LRMDA: variants seen among roughly 807,000 people sequenced by gnomAD.
The protein encoded by LRMDA is leucine-rich melanocyte differentiation-associated protein.
A neutral mutation model predicts 29.8 loss-of-function variants in LRMDA; 18 were observed. The observed-to-expected ratio is 0.60, with a 90% confidence interval of 0.42 to 0.90. The LOEUF is 0.90. LRMDA is among the 40% of genes least tolerant of loss of function. LRMDA has a pLI of 0.00. For missense variants in LRMDA, 273 were observed against 273.9 expected (o/e 1.00, Z 0.02); for synonymous variants, 125 against 109.4 (o/e 1.14, Z -0.89).
At chr10:75,735,996 T>C (rs1186454554) in intron 2 of LRMDA, among the ~76,000 whole-genome samples, 1 of 152,096 alleles carries the variant, frequency 6.6e-6, no homozygotes, top group Non-Finnish European at 1.5e-5. Flanking sequence ...GGTAAGATAG[T>C]GAGAGGAGGA....
At chr10:76,334,523 A>C (rs767812338) in intron 6 of LRMDA, among the ~76,000 whole-genome samples, 22 of 152,214 alleles carry the variant, frequency 1.4e-4, no homozygotes, top group Non-Finnish European at 2.1e-4. Flanking sequence ...AATTGAGGGA[A>C]GTGAACACCT....
In LRMDA at chr10:75,431,733, G is replaced by A; in HGVS notation, c.9G>A (p.Gly3=). 7.3e-7 allele frequency: 1 copy of A among 1,366,094 alleles called. No individual in the cohort carries two copies. The highest frequency in any genetic ancestry group is 1.9e-5 in the South Asian group (1 of 53,794). The allele number at this position is 1,366,094 out of a possible 1,614,324, so 84.6% of individuals were successfully genotyped here. ...GCAGCGTCCTGGCCGCCATGGCCGG[G>A]CTCGTGGTGCGTGGAACTCAAGTAA... MA[G]LVVRGTQVSY... The change falls in exon 1 of 7, where the codon GGG becomes GGA. Residue 3 remains glycine, a synonymous_variant. Coordinates refer to ENST00000611255, the MANE Select transcript of LRMDA (RefSeq NM_001305581.2).
intron 6 of LRMDA, among the ~76,000 whole-genome samples, chr10:76,385,125 G>A (rs1056732384): frequency 6.6e-6 from 1 of 152,148 alleles, no homozygotes; most frequent in African/African-American, 2.4e-5. Context: ...GGAAATCCTG[G>A]TTTTCAACTC....
At chr10:75,903,431 T>C (rs1480965840) in intron 2 of LRMDA, among the ~76,000 whole-genome samples, 2 of 152,242 alleles carry the variant, frequency 1.3e-5, no homozygotes, top group Non-Finnish European at 2.9e-5. Flanking sequence ...TATTGATGCC[T>C]AGCTCCTCTG....
chr10:76,072,328 A>G (rs1410498479), intron 5 of LRMDA, among the ~76,000 whole-genome samples: 1 of 152,078 alleles, frequency 6.6e-6, no homozygotes, highest in Non-Finnish European at 1.5e-5. Flanking sequence ...AAGTCCCTCC[A>G]TTTTTCCAAC....
intron 2 of LRMDA, among the ~76,000 whole-genome samples, chr10:75,820,976 G>A (rs1298480106): frequency 6.6e-6 from 1 of 152,086 alleles, no homozygotes; most frequent in Non-Finnish European, 1.5e-5. Context: ...TAGAAATCCT[G>A]AACAGACCAA....
chr10:76,167,123 CTG>C (rs1473533761), intron 5 of LRMDA, among the ~76,000 whole-genome samples: 4 of 152,102 alleles, frequency 2.6e-5, no homozygotes, highest in South Asian at 2.1e-4. Context: ...TGAAAAGTGT[CTG>C]TGTTTCTTGC....
chr10:76,191,752 C>T (rs888529386), intron 5 of LRMDA, among the ~76,000 whole-genome samples: 1 of 152,122 alleles, frequency 6.6e-6, no homozygotes, highest in Non-Finnish European at 1.5e-5. Flanking sequence ...TAAGGAAATG[C>T]CAAAATGACT....
chr10:75,740,482 G>A (rs930845364), intron 2 of LRMDA, among the ~76,000 whole-genome samples: 1 of 152,166 alleles, frequency 6.6e-6, no homozygotes, highest in African/African-American at 2.4e-5. Flanking sequence ...GAAAGTGGAT[G>A]TAGATAATGC....
intron 2 of LRMDA, among the ~76,000 whole-genome samples, chr10:75,745,941 G>C (rs1474932871): frequency 6.6e-6 from 1 of 152,178 alleles, no homozygotes; most frequent in Admixed American, 6.5e-5. Flanking sequence ...TTTGGGAAAA[G>C]TACCACACAG....
rs548256836 is a variant in LRMDA at position 75,981,976 on chromosome 10, T to G, written c.132-54032T>G. 2.6e-4 allele frequency among the ~76,000 whole-genome samples: 39 copies of G among 152,254 alleles called. No individual in the cohort carries two copies. The South Asian group carries it at 3.1e-3, about 12-fold the overall frequency. ...ACAGTTAAAGTTTGGGAGTGTTGAT[T>G]TGCCCGACATAAAATCATGTTGGTG... On this transcript the variant is annotated intron_variant, in intron 2 of 6. Coordinates refer to ENST00000611255, the MANE Select transcript of LRMDA (RefSeq NM_001305581.2).
chr10:76,058,238 T>C (rs551529897), intron 4 of LRMDA, among the ~76,000 whole-genome samples: 1 of 152,352 alleles, frequency 6.6e-6, no homozygotes, highest in East Asian at 1.9e-4. Context: ...CAGGTCATTA[T>C]AGTCTATGAT....
intron 2 of LRMDA, among the ~76,000 whole-genome samples, chr10:75,916,045 G>A (rs1193474281): frequency 6.6e-6 from 1 of 152,132 alleles, no homozygotes; most frequent in East Asian, 1.9e-4. Context: ...TTGTGTCCAG[G>A]AAGACAGAGA....
At chr10:76,104,252 C>T (rs769113710) in intron 5 of LRMDA, among the ~76,000 whole-genome samples, 2 of 152,112 alleles carry the variant, frequency 1.3e-5, no homozygotes, top group African/African-American at 2.4e-5. Context: ...AGGGACGGCA[C>T]TATGCTTGGG....
chr10:76,461,955 G>GT lies in LRMDA; in HGVS notation c.602-95253dup, dbSNP rs550234099. On this transcript the variant is annotated intron_variant, in intron 6 of 6. Transcript: ENST00000611255. ...CCAGGTGTGATGGCATGCACCTGTAGTCCCAGCTACTTGGTGTGGCTTGAA... is the reference window on the plus strand; with the variant it reads ...CCAGGTGTGATGGCATGCACCTGTAGTTCCCAGCTACTTGGTGTGGCTTGAA... Among the ~76,000 whole-genome samples the GT allele has an allele frequency of 8.1e-4, 123 of 151,078 alleles. 1 individual carries two copies. The Middle Eastern group carries it at 0.01, about 13-fold the overall frequency.
intron 6 of LRMDA, among the ~76,000 whole-genome samples, chr10:76,427,808 T>C (rs368495619): frequency 1.3e-5 from 2 of 152,164 alleles, no homozygotes; most frequent in African/African-American, 2.4e-5. Context: ...GAGTTTTTAG[T>C]ATGAAGGACT....
At chr10:75,886,066 AC>A (rs1173159941) in intron 2 of LRMDA, among the ~76,000 whole-genome samples, 1 of 152,200 alleles carries the variant, frequency 6.6e-6, no homozygotes, top group Non-Finnish European at 1.5e-5. Flanking sequence ...GTGGCAATAC[AC>A]CTAGTTTTGC....
chr10:75,938,384 G>T (rs1846331078), intron 2 of LRMDA, among the ~76,000 whole-genome samples: 1 of 152,226 alleles, frequency 6.6e-6, no homozygotes, highest in Non-Finnish European at 1.5e-5. Context: ...TTTTCATTTA[G>T]CTTTGAAGTT....
intron 5 of LRMDA, among the ~76,000 whole-genome samples, chr10:76,276,622 C>A (rs577412742): frequency 2.0e-5 from 3 of 152,150 alleles, no homozygotes; most frequent in African/African-American, 7.2e-5. Context: ...TTGCTAATTC[C>A]AACATCTGAG....
Sources: allele counts gnomAD v4.1 joint callset (sites outside exome capture counted in the v4.1 genomes callset), GRCh38; gene constraint gnomAD v4.1.1; transcripts MANE v1.5; gene names NCBI Gene and HGNC (gene_info 2026-07-23, HGNC 2026-07-21).